The following MACROD2 variants were observed in gnomAD, a reference collection of about 807,000 sequenced individuals.
MACROD2 encodes the protein mono-ADP ribosylhydrolase 2, also known as ADP-ribose glycohydrolase MACROD2.
A neutral mutation model predicts 70.4 loss-of-function variants in MACROD2; 36 were observed. The observed-to-expected ratio is 0.51, with a 90% CI of 0.39 to 0.68. The LOEUF (loss-of-function observed/expected upper bound fraction) is 0.68. Ranked by LOEUF, MACROD2 falls within the 30% of genes least tolerant of loss-of-function variation. The pLI, the probability that MACROD2 is intolerant of heterozygous loss-of-function variation, is 0.00. For missense variants in MACROD2, 496 were observed against 538.4 expected (o/e 0.92, Z 0.78); for synonymous variants, 172 against 178.8 (o/e 0.96, Z 0.30).
rs79794157 is a variant in MACROD2, at chr20:15,330,419, A to G, written c.540+100358A>G. 9.1e-4 allele frequency among the ~76,000 whole-genome samples: 137 copies of G among 150,288 alleles called. 3 individuals carry two copies. Among genetic ancestry groups the G allele is most frequent in the Middle Eastern group, 3.4e-3 (1 of 294 alleles). Reference sequence around the variant, plus strand: ...AGCCCTGCCTTCAGAGCATCCGTCCATGAAAACGGATGGAAAATGCAGAAG... The same window carrying G: ...AGCCCTGCCTTCAGAGCATCCGTCCGTGAAAACGGATGGAAAATGCAGAAG... On this transcript the variant is annotated intron_variant, in intron 6 of 17. Transcript: ENST00000684519.
intron 5 of MACROD2, among the ~76,000 whole-genome samples, chr20:14,813,338 C>G (rs1341521727): frequency 6.7e-6 from 1 of 148,558 alleles, no homozygotes; most frequent in Non-Finnish European, 1.5e-5. Flanking sequence ...CTGATGCTCT[C>G]CCCCTTCCTC....
At chr20:15,369,112 A>G (rs868368025) in intron 6 of MACROD2, among the ~76,000 whole-genome samples, 9 of 152,192 alleles carry the variant, frequency 5.9e-5, no homozygotes, top group Non-Finnish European at 1.2e-4. Context: ...TTTACTCACT[A>G]GAGAGGAGTA....
rs527623706 is a variant in MACROD2 at position 14,089,173 on chromosome 20, A to G, written c.271+3445A>G. Among the ~76,000 whole-genome samples, 144 of 152,328 alleles carry G rather than the reference A, an allele frequency of 9.5e-4. 1 individual carries two copies. The highest frequency in any genetic ancestry group is 1.7e-3 in the Non-Finnish European group (118 of 68,026). ...TGGTTGTGATGATTGTAATTTGGCC[A>G]TGTTTTGCATCTCACAAGGATAGTC... On this transcript the variant is annotated intron_variant, in intron 3 of 17. Coordinates refer to ENST00000684519, the MANE Select transcript of MACROD2 (RefSeq NM_001351661.2).
At position 15,209,115 on chromosome 20, in the gene MACROD2, G is replaced by GTGGTATTTATTTATT. The variant is rs368782146; in HGVS notation, c.419-20824_419-20823insGGTATTTATTTATTT. 1.9e-4 allele frequency among the ~76,000 whole-genome samples: 28 copies of GTGGTATTTATTTATT among 147,174 alleles called. No individual in the cohort carries two copies. In the South Asian group the frequency reaches 2.2e-3, roughly 12 times the overall value. On this transcript the variant is annotated intron_variant, in intron 5 of 17. Coordinates refer to ENST00000684519, the MANE Select transcript of MACROD2 (RefSeq NM_001351661.2). ...GGTGGTGGTGGTGGTGGTGGTGGTG[G>GTGGTATTTATTTATT]TATTTATTTATTTATTTATTTATTT...
chr20:15,882,416 G>C (rs921135722), intron 9 of MACROD2, among the ~76,000 whole-genome samples: 2 of 152,076 alleles, frequency 1.3e-5, no homozygotes, highest in Admixed American at 6.6e-5. Context: ...CAAGAGGCAG[G>C]CATTATCTTG....
At chr20:15,779,557 A>G (rs1371938142) in intron 8 of MACROD2, among the ~76,000 whole-genome samples, 1 of 152,158 alleles carries the variant, frequency 6.6e-6, no homozygotes, top group Non-Finnish European at 1.5e-5. Context: ...AGATTTATTA[A>G]GACTCTGGAA....
At chr20:15,394,039 G>C (rs1055340737) in intron 6 of MACROD2, among the ~76,000 whole-genome samples, 1 of 152,140 alleles carries the variant, frequency 6.6e-6, no homozygotes, top group African/African-American at 2.4e-5. Flanking sequence ...GGAAACTTCT[G>C]GGATGGCTTT....
At chr20:15,011,957 G>A (rs1338325273) in intron 5 of MACROD2, among the ~76,000 whole-genome samples, 1 of 152,172 alleles carries the variant, frequency 6.6e-6, no homozygotes, top group Middle Eastern at 3.2e-3. Context: ...AGATACAGCA[G>A]AAGTCAGAGA....
At chr20:14,972,943 G>A (rs975083991) in intron 5 of MACROD2, among the ~76,000 whole-genome samples, 6 of 152,172 alleles carry the variant, frequency 3.9e-5, no homozygotes, top group African/African-American at 1.4e-4. Context: ...ACTGAGACAA[G>A]TTGATATAGA....
intron 7 of MACROD2, among the ~76,000 whole-genome samples, chr20:15,492,279 G>A (rs1312255847): frequency 1.3e-5 from 2 of 151,938 alleles, no homozygotes; most frequent in African/African-American, 4.8e-5. Flanking sequence ...GGCCTAGGGG[G>A]AAGAGGTTGA....
chr20:15,334,879 C>T (rs6079764), intron 6 of MACROD2, among the ~76,000 whole-genome samples: 15,763 of 151,668 alleles, frequency 0.1, 1,086 homozygotes, highest in Non-Finnish European at 0.15. Context: ...TAAGAGAAAA[C>T]TCTGACACAA....
chr20:14,244,582 C>T (rs1460189304), intron 3 of MACROD2, among the ~76,000 whole-genome samples: 1 of 152,070 alleles, frequency 6.6e-6, no homozygotes, highest in Non-Finnish European at 1.5e-5. Flanking sequence ...GAACAAAGGC[C>T]CTAACCCAAG....
chr20:14,365,383 TATAA>T (rs1432908692), intron 3 of MACROD2, among the ~76,000 whole-genome samples: 6 of 151,256 alleles, frequency 4.0e-5, no homozygotes, highest in South Asian at 2.1e-4. Context: ...CTTATATTGT[TATAA>T]ATAATTATAT....
chr20:16,025,476 G>A (rs1161751159), intron 15 of MACROD2, among the ~76,000 whole-genome samples: 1 of 152,242 alleles, frequency 6.6e-6, no homozygotes, highest in Non-Finnish European at 1.5e-5. Flanking sequence ...TCAGCAGGCA[G>A]AAGTCAATCA....
chr20:14,569,441 C>G (rs1980037737), intron 4 of MACROD2, among the ~76,000 whole-genome samples: 1 of 151,990 alleles, frequency 6.6e-6, no homozygotes, highest in Admixed American at 6.6e-5. Flanking sequence ...AATTTGCAAC[C>G]AGGAAGAATA....
intron 10 of MACROD2, among the ~76,000 whole-genome samples, chr20:15,897,419 C>T (rs759776966): frequency 1.3e-5 from 2 of 152,082 alleles, no homozygotes; most frequent in African/African-American, 4.8e-5. Context: ...ATTTGCTGTA[C>T]TTCTTGGATC....
chr20:14,012,105 C>T (rs1262628026), intron 2 of MACROD2, among the ~76,000 whole-genome samples: 1 of 152,054 alleles, frequency 6.6e-6, no homozygotes, highest in African/African-American at 2.4e-5. Flanking sequence ...TGGGGTTTCG[C>T]CACGTTGGCC....
At chr20:15,498,319 A>AACT (rs1568850075) in intron 7 of MACROD2, among the ~76,000 whole-genome samples, 1 of 152,126 alleles carries the variant, frequency 6.6e-6, no homozygotes, top group Non-Finnish European at 1.5e-5. Context: ...CATCAGTTTG[A>AACT]ACTACTAGAA....
chr20:14,095,410 G>A (rs898402738), intron 3 of MACROD2, among the ~76,000 whole-genome samples: 45 of 152,270 alleles, frequency 3.0e-4, no homozygotes, highest in African/African-American at 8.4e-4. Flanking sequence ...TTATAAATAT[G>A]ATTGGTAAGA....
Sources: gnomAD v4.1 joint callset for allele counts (sites outside exome capture counted in the v4.1 genomes callset) on GRCh38, gnomAD v4.1.1 for gene constraint, MANE v1.5 for transcripts, NCBI Gene and HGNC (gene_info 2026-07-23, HGNC 2026-07-21) for gene names.